Variants in PAPSS1 observed in about 807,000 individuals in gnomAD.
The protein encoded by PAPSS1 is bifunctional 3'-phosphoadenosine 5'-phosphosulfate synthase 1.
In PAPSS1, 50 loss-of-function variants were observed where a neutral mutation model predicts 72.0. That is an observed-to-expected ratio of 0.69 (90% CI 0.55 to 0.88). PAPSS1 has a LOEUF of 0.88. PAPSS1 is among the 40% of genes least tolerant of loss of function. PAPSS1 has a pLI of 0.00. For synonymous variants in PAPSS1, 261 were observed against 263.6 expected, an observed-to-expected ratio of 0.99 and a Z score of 0.09; for missense variants, 657 against 782.2, an observed-to-expected ratio of 0.84 and a Z score of 1.91.
At chr4:107,705,323 T>C (rs1723313931) in intron 1 of PAPSS1, among the ~76,000 whole-genome samples, 1 of 152,212 alleles carries the variant, frequency 6.6e-6, no homozygotes. Flanking sequence ...GGTGATCAGA[T>C]CATGGGGGTG....
chr4:107,666,997 G>T (rs1727336655), intron 5 of PAPSS1, among the ~76,000 whole-genome samples: 1 of 152,122 alleles, frequency 6.6e-6, no homozygotes, highest in African/African-American at 2.4e-5. Context: ...AGGGCTCCTA[G>T]ACAGCTTCAT....
rs11555779 is a variant in PAPSS1 at position 107,693,842 on chromosome 4, C to A, written c.340G>T (p.Ala114Ser). 1.4e-5 allele frequency: 22 copies of A among 1,613,784 alleles called. No individual in the cohort carries two copies. The highest frequency in any genetic ancestry group is 1.9e-5 in the Non-Finnish European group (22 of 1,179,864). ...EDREENVRRI[A>S]EVAKLFADAG... ...TCTGCAAACAGTTTAGCAACTTCTGCGATGCGTCGAACATTCTCTTCTCTG... is the reference window on the plus strand; with the variant it reads ...TCTGCAAACAGTTTAGCAACTTCTGAGATGCGTCGAACATTCTCTTCTCTG... The change falls in exon 3 of 12, where the codon GCA becomes TCA. Residue 114 changes from alanine (A) to serine (S), a missense_variant. Around this residue, in one of 7 missense-constraint regions of PAPSS1, gnomAD observed 119 missense variants for 171.1 expected, o/e 0.70. Coordinates refer to ENST00000265174, the MANE Select transcript of PAPSS1 (RefSeq NM_005443.5).
chr4:107,681,019 T>C (rs2110335894), intron 5 of PAPSS1, among the ~76,000 whole-genome samples: 1 of 152,306 alleles, frequency 6.6e-6, no homozygotes, highest in South Asian at 2.1e-4. Context: ...TATTTTATAA[T>C]GTGGAAAAAC....
At chr4:107,665,748 G>A (rs371669624) in intron 5 of PAPSS1, among the ~76,000 whole-genome samples, 48 of 152,068 alleles carry the variant, frequency 3.2e-4, no homozygotes, top group African/African-American at 1.1e-3. Context: ...TGTAACACGG[G>A]GTACCCAGAA....
At chr4:107,645,831 G>A (rs1001580517) in intron 9 of PAPSS1, among the ~76,000 whole-genome samples, 1 of 152,102 alleles carries the variant, frequency 6.6e-6, no homozygotes, top group Non-Finnish European at 1.5e-5. Context: ...ATCCCAGCTC[G>A]ACTCAGGGAG....
At chr4:107,632,290 C>A (rs749332208) in intron 10 of PAPSS1, among the ~76,000 whole-genome samples, 2 of 151,920 alleles carry the variant, frequency 1.3e-5, no homozygotes, top group Non-Finnish European at 2.9e-5. Flanking sequence ...GTTTCTTGAT[C>A]CAGTATCTGG....
chr4:107,715,279 G>A (rs774731951), intron 1 of PAPSS1, among the ~76,000 whole-genome samples: 11 of 152,164 alleles, frequency 7.2e-5, no homozygotes, highest in Non-Finnish European at 1.5e-4. Flanking sequence ...ACTATCATTC[G>A]TCTTATTGCT....
At chr4:107,646,109 T>C (rs1236508091) in intron 9 of PAPSS1, among the ~76,000 whole-genome samples, 2 of 152,102 alleles carry the variant, frequency 1.3e-5, no homozygotes, top group Non-Finnish European at 2.9e-5. Context: ...ATAGCTGATA[T>C]GACATTAGGT....
intron 3 of PAPSS1, among the ~76,000 whole-genome samples, chr4:107,690,889 T>C (rs1336095228): frequency 6.6e-6 from 1 of 152,130 alleles, no homozygotes; most frequent in Admixed American, 6.5e-5. Flanking sequence ...ACAGGTATTA[T>C]AGACCTCCCC....
At chr4:107,686,601 G>A (rs935726362) in intron 4 of PAPSS1, among the ~76,000 whole-genome samples, 4 of 152,154 alleles carry the variant, frequency 2.6e-5, no homozygotes, top group African/African-American at 9.7e-5. Context: ...AAATGAATAA[G>A]GGACCATTCC....
chr4:107,672,666 G>A (rs1578412138), intron 5 of PAPSS1, among the ~76,000 whole-genome samples: 2 of 152,212 alleles, frequency 1.3e-5, no homozygotes, highest in Admixed American at 6.5e-5. Context: ...ACAAAAGGCA[G>A]CAGAAACCTC....
chr4:107,689,776 G>A (rs577758215), intron 3 of PAPSS1, among the ~76,000 whole-genome samples: 1 of 152,042 alleles, frequency 6.6e-6, no homozygotes, highest in South Asian at 2.1e-4. Context: ...CAATTTCCTA[G>A]ATGGCCCAGT....
intron 5 of PAPSS1, among the ~76,000 whole-genome samples, chr4:107,670,300 C>G (rs1375612594): frequency 6.6e-6 from 1 of 152,012 alleles, no homozygotes; most frequent in Non-Finnish European, 1.5e-5. Context: ...GATTAGTATC[C>G]ATATACAAGG....
intron 9 of PAPSS1, among the ~76,000 whole-genome samples, chr4:107,652,129 C>A (rs936541504): frequency 6.6e-6 from 1 of 152,114 alleles, no homozygotes; most frequent in African/African-American, 2.4e-5. Context: ...CAGCTATATA[C>A]CCCAAAAAGG....
intron 2 of PAPSS1, among the ~76,000 whole-genome samples, chr4:107,698,673 GAATT>G (rs1723133410): frequency 6.6e-6 from 1 of 152,136 alleles, no homozygotes; most frequent in Non-Finnish European, 1.5e-5. Flanking sequence ...TGTAATTGAT[GAATT>G]AATTAAGGCT....
chr4:107,694,907 A>G (rs1723027880), intron 2 of PAPSS1, among the ~76,000 whole-genome samples: 1 of 152,174 alleles, frequency 6.6e-6, no homozygotes, highest in Admixed American at 6.6e-5. Context: ...TAATGTACCA[A>G]TGCTCTTGAA....
intron 6 of PAPSS1, among the ~76,000 whole-genome samples, chr4:107,658,195 A>C (rs1043032185): frequency 1.4e-5 from 2 of 147,452 alleles, no homozygotes. Flanking sequence ...GCCTTGGTCC[A>C]TCAAGTGACT....
At chr4:107,620,207 C>A (rs1725919878) in intron 11 of PAPSS1, among the ~76,000 whole-genome samples, 1 of 152,168 alleles carries the variant, frequency 6.6e-6, no homozygotes, top group Non-Finnish European at 1.5e-5. Flanking sequence ...GGAATTTCTT[C>A]TTTGATAGGA....
At chr4:107,633,827 G>A (rs1287211107) in intron 10 of PAPSS1, among the ~76,000 whole-genome samples, 1 of 150,538 alleles carries the variant, frequency 6.6e-6, no homozygotes, top group Non-Finnish European at 1.5e-5. Flanking sequence ...GCTGAGGCAG[G>A]AGAATGGCGT....
Sources: allele counts gnomAD v4.1 joint callset (sites outside exome capture counted in the v4.1 genomes callset), GRCh38; gene constraint gnomAD v4.1.1; regional missense constraint gnomAD v4.1.1; transcripts MANE v1.5; gene names NCBI Gene and HGNC (gene_info 2026-07-23, HGNC 2026-07-21).